TMOD3: variants seen among roughly 807,000 people sequenced by gnomAD.
TMOD3 encodes tropomodulin-3.
TMOD3 carries 20 observed loss-of-function variants against 39.2 expected under a neutral mutation model. That is an observed-to-expected ratio of 0.51 (90% CI 0.36 to 0.74). The LOEUF (loss-of-function observed/expected upper bound fraction) is 0.74, where lower values mean the gene tolerates loss of function less well. TMOD3 is among the 30% of genes least tolerant of loss of function. The pLI, the probability that TMOD3 is intolerant of heterozygous loss-of-function variation, is 0.00. For missense variants in TMOD3, 381 were observed against 412.8 expected, an observed-to-expected ratio of 0.92 and a Z score of 0.67; for synonymous variants, 143 against 145.8, an observed-to-expected ratio of 0.98 and a Z score of 0.14.
chr15:51,836,937 TAAAC>T (rs1394009185), intron 1 of TMOD3, among the ~76,000 whole-genome samples: 1 of 151,920 alleles, frequency 6.6e-6, no homozygotes, highest in African/African-American at 2.4e-5. Flanking sequence ...CCCCTACAAA[TAAAC>T]AGTTTCATAT....
intron 5 of TMOD3, among the ~76,000 whole-genome samples, chr15:51,893,496 G>C (rs908609254): frequency 3.3e-5 from 5 of 152,112 alleles, no homozygotes; most frequent in African/African-American, 1.2e-4. Context: ...GCTGAGCACA[G>C]TGGCTCCTGC....
intron 3 of TMOD3, among the ~76,000 whole-genome samples, chr15:51,887,189 C>G (rs1232298396): frequency 6.7e-6 from 1 of 149,348 alleles, no homozygotes; most frequent in Non-Finnish European, 1.5e-5. Flanking sequence ...CCACTACACT[C>G]CAGCCTGGGC....
intron 9 of TMOD3, among the ~76,000 whole-genome samples, chr15:51,907,591 G>C (rs538906219): frequency 1.3e-5 from 2 of 152,368 alleles, no homozygotes; most frequent in South Asian, 4.1e-4. Context: ...TAGTTCCTCT[G>C]TCAAACAGCC....
At chr15:51,890,356 T>A (rs1053746914) in intron 5 of TMOD3, among the ~76,000 whole-genome samples, 2 of 149,388 alleles carry the variant, frequency 1.3e-5, no homozygotes, top group Non-Finnish European at 3.0e-5. Flanking sequence ...TTTTTTTTTT[T>A]AGTAGAGATG....
chr15:51,889,094 T>C lies in TMOD3; in HGVS notation c.445T>C (p.Phe149Leu). Residue 149 changes from phenylalanine to leucine, a missense_variant, in exon 5 of 10, where the codon TTC becomes CTC. Coordinates refer to ENST00000308580, the MANE Select transcript of TMOD3 (RefSeq NM_014547.5). ...GMHNLITNTK[F>L]CNIMGSSNGV... ...GCACAATTTGATAACGAATACAAAG[T>C]TCTGTAATATAATGGGAAGTAGTAA... is the stretch of plus-strand genomic sequence containing the variant. The C allele has an allele frequency of 1.3e-6, 2 of 1,593,702 alleles. No individual in the cohort carries two copies.
At chr15:51,848,696 A>G (rs1366218907) in intron 1 of TMOD3, among the ~76,000 whole-genome samples, 1 of 152,250 alleles carries the variant, frequency 6.6e-6, no homozygotes, top group Non-Finnish European at 1.5e-5. Flanking sequence ...GATCCTAACT[A>G]CTATTAATAT....
chr15:51,852,775 A>C (rs899269599), intron 1 of TMOD3, among the ~76,000 whole-genome samples: 8 of 152,216 alleles, frequency 5.3e-5, no homozygotes, highest in African/African-American at 1.9e-4. Flanking sequence ...GTACCTGGCA[A>C]TGGCAGCCCA....
intron 1 of TMOD3, among the ~76,000 whole-genome samples, chr15:51,841,057 T>C (rs2056310536): frequency 6.6e-6 from 1 of 152,244 alleles, no homozygotes; most frequent in Non-Finnish European, 1.5e-5. Context: ...GAAAAGTACA[T>C]ATCCTTGAGC....
chr15:51,881,212 A>G (rs1380007078), intron 3 of TMOD3, among the ~76,000 whole-genome samples: 2 of 152,190 alleles, frequency 1.3e-5, no homozygotes, highest in African/African-American at 2.4e-5. Flanking sequence ...TGAGATTACA[A>G]ATGTGCACCA....
At chr15:51,905,939 AGACTCC>A (rs2056676850) in intron 9 of TMOD3, among the ~76,000 whole-genome samples, 2 of 118,982 alleles carry the variant, frequency 1.7e-5, no homozygotes. Context: ...CAACAGAGCG[AGACTCC>A]GTCTCAAAAA....
intron 7 of TMOD3, 89 bp from the exon 8 acceptor site, chr15:51,900,066 G>GTTATA (rs2056641716): frequency 8.5e-7 from 1 of 1,181,408 alleles, no homozygotes; most frequent in Admixed American, 2.7e-5. Context: ...CATTAAGGCA[G>GTTATA]TTAATTAATG....
At position 51,884,902 on chromosome 15, in the gene TMOD3, T is replaced by C. The variant is rs568320658; in HGVS notation, c.284-2687T>C. Among the ~76,000 whole-genome samples the C allele has an allele frequency of 7.2e-5, 11 of 152,352 alleles. No individual in the cohort carries two copies. In the South Asian group the frequency reaches 2.3e-3, roughly 32 times the overall value. ...TAAGTGAGATAATAAAACTTCATGT[T>C]GTTTGAACTCTTATTGCTTTAAGAG... On this transcript the variant is annotated intron_variant, in intron 3 of 9. Coordinates refer to ENST00000308580, the MANE Select transcript of TMOD3 (RefSeq NM_014547.5).
intron 6 of TMOD3, among the ~76,000 whole-genome samples, chr15:51,894,825 A>C (rs896053126): frequency 2.0e-5 from 3 of 152,168 alleles, no homozygotes; most frequent in African/African-American, 7.2e-5. Flanking sequence ...TACAGCCACT[A>C]TATACTTTTC....
Position 51,912,492 on chromosome 15 carries a change from ACT to A in TMOD3, c.*3685_*3686del, listed in dbSNP as rs2056716763. ...CATATCATATTGTACGTTATATTTA[ACT>A]CTTGCTGTCATTAAAATAAGATGAC... On this transcript the variant is annotated 3_prime_UTR_variant, in exon 10 of 10. Coordinates refer to ENST00000308580, the MANE Select transcript of TMOD3 (RefSeq NM_014547.5). The A allele has an allele frequency of 6.6e-6, 1 of 151,950 alleles. No homozygotes were observed. Among genetic ancestry groups the A allele is most frequent in the African/African-American group, 2.4e-5 (1 of 41,358 alleles). 9.4% of individuals were successfully genotyped at this position (151,950 alleles called of 1,614,324 possible). A position where few individuals can be genotyped will look rare whatever the true frequency, so the allele number is the denominator to read the frequency against.
chr15:51,836,260 A>G (rs1270638039), intron 1 of TMOD3, among the ~76,000 whole-genome samples: 1 of 152,174 alleles, frequency 6.6e-6, no homozygotes, highest in Non-Finnish European at 1.5e-5. Context: ...CACACCAGAA[A>G]TAAACCCCTT....
intron 1 of TMOD3, among the ~76,000 whole-genome samples, chr15:51,853,923 T>G (rs1326476214): frequency 6.6e-6 from 1 of 151,982 alleles, no homozygotes; most frequent in East Asian, 1.9e-4. Context: ...GAAGAATATG[T>G]GAGGTTCAGT....
intron 1 of TMOD3, among the ~76,000 whole-genome samples, chr15:51,857,307 A>G (rs771649067): frequency 6.6e-6 from 1 of 152,188 alleles, no homozygotes; most frequent in Non-Finnish European, 1.5e-5. Flanking sequence ...AGTGAATATG[A>G]GGGTATTAGT....
rs957726997 is a variant in TMOD3 at position 51,913,639 on chromosome 15, A to G, written c.*4829A>G. On this transcript the variant is annotated 3_prime_UTR_variant, in exon 10 of 10. Transcript: ENST00000308580. ...TATCTTGCAGTCTGATCATTCAGAA[A>G]GGTCAACCTAGAAAAAAGACATGGC... 1 of 152,236 alleles carries G rather than the reference A, an allele frequency of 6.6e-6. No homozygotes were observed. 9.4% of individuals were successfully genotyped at this position (152,236 alleles called of 1,614,324 possible).
At position 51,837,091 on chromosome 15, in the gene TMOD3, T is replaced by A. The variant is rs1056248816; in HGVS notation, c.-75+7255T>A. On this transcript the variant is annotated intron_variant, in intron 1 of 9. Transcript: ENST00000308580. ...GGTTTGATATATATATATATAGACT[T>A]GTAGGTAAGAAGATTGTTGTATTTC... Among the ~76,000 whole-genome samples the A allele has an allele frequency of 2.7e-5, 4 of 145,866 alleles. No individual in the cohort carries two copies. The East Asian group carries it at 8.0e-4, about 29-fold the overall frequency.
Sources: gnomAD v4.1 joint callset for allele counts (sites outside exome capture counted in the v4.1 genomes callset) on GRCh38, gnomAD v4.1.1 for gene constraint, MANE v1.5 for transcripts, NCBI Gene and HGNC (gene_info 2026-07-23, HGNC 2026-07-21) for gene names.